The following CPZ variants were observed in gnomAD, a reference collection of about 807,000 sequenced individuals.
CPZ encodes the protein carboxypeptidase Z.
Under a neutral mutation model 61.8 loss-of-function variants are expected in CPZ, and 103 were observed. The observed-to-expected ratio is 1.67, with a 90% CI of 1.42 to 1.96. The LOEUF is 1.96. Among genes scored for constraint, CPZ ranks in the 30% most tolerant of loss-of-function variants. The pLI, the probability that CPZ is intolerant of heterozygous loss-of-function variation, is 0.00. For synonymous variants in CPZ, 551 were observed against 373.7 expected, an observed-to-expected ratio of 1.47 and a Z score of -5.47; for missense variants, 1,461 against 914.9, an observed-to-expected ratio of 1.60 and a Z score of -7.70.
At position 8,606,874 on chromosome 4, in the gene CPZ, C is replaced by G. The variant is rs1012682979; in HGVS notation, c.1044C>G (p.Ile348Met). Reference sequence around the variant, plus strand: ...GCGCACGCAGCGACCACATCCCCATCCCCCAGCACTACTGGTGGGGTAAGG... The same window carrying G: ...GCGCACGCAGCGACCACATCCCCATGCCCCAGCACTACTGGTGGGGTAAGG... ...TRGARSDHIPIPQHYWWGKVA... is the reference protein window; with the variant it reads ...TRGARSDHIPMPQHYWWGKVA... The change falls in exon 6 of 11, where the codon ATC (isoleucine) becomes ATG (methionine). Residue 348 changes from isoleucine to methionine, a missense_variant. Physicochemically the swap from Ile to Met is conservative, Grantham distance 10 (BLOSUM62 1). Transcript: ENST00000360986. The G allele has an allele frequency of 1.2e-5, 20 of 1,612,632 alleles. No homozygotes were observed. Among genetic ancestry groups the G allele is most frequent in the Non-Finnish European group, 1.6e-5 (19 of 1,179,588 alleles).
chr4:8,607,216 G>C lies in CPZ; in HGVS notation c.1069-51G>C, dbSNP rs372862610. The C allele has an allele frequency of 1.1e-5, 18 of 1,589,120 alleles. No homozygotes were observed. The South Asian group carries it at 1.9e-4, about 17-fold the overall frequency. ...CTGCTGAAGCCCAGGGCATGGCTGCGGGCCAGTGGGAAAGCCCAGCCCTGA... is the reference window on the plus strand; with the variant it reads ...CTGCTGAAGCCCAGGGCATGGCTGCCGGCCAGTGGGAAAGCCCAGCCCTGA... On this transcript the variant is annotated intron_variant, in intron 6 of 10. Transcript: ENST00000360986.
chr4:8,609,177 C>CACTCACTCACTTCTCATTA (rs1347402798), intron 7 of CPZ, among the ~76,000 whole-genome samples: 9 of 32,840 alleles, frequency 2.7e-4, no homozygotes, highest in South Asian at 2.1e-3. Context: ...CTCACCCATT[C>CACTCACTCACTTCTCATTA]ACTCAGGCAT....
chr4:8,613,965 C>A (rs1715932516), intron 8 of CPZ, among the ~76,000 whole-genome samples: 1 of 152,260 alleles, frequency 6.6e-6, no homozygotes, highest in Non-Finnish European at 1.5e-5. Flanking sequence ...CTGTTAGAAA[C>A]CGATTCATCC....
chr4:8,598,735 G>C (rs1051121395), intron 1 of CPZ, among the ~76,000 whole-genome samples: 15 of 152,278 alleles, frequency 9.9e-5, no homozygotes, highest in African/African-American at 3.6e-4. Context: ...TTCATACAGG[G>C]CCCTTAGCAG....
chr4:8,618,407 G>C, intron 9 of CPZ, 22 bp from the exon 10 acceptor site: 2 of 1,611,968 alleles, frequency 1.2e-6, no homozygotes, highest in East Asian at 2.2e-5. Context: ...CCATCTCCCT[G>C]GCCTCCCCTT....
intron 10 of CPZ, 77 bp downstream of exon 10, chr4:8,618,605 G>A: frequency 7.3e-7 from 1 of 1,361,878 alleles, no homozygotes; most frequent in Non-Finnish European, 1.0e-6. Flanking sequence ...GGCACCCTCA[G>A]GCACTCACAG....
chr4:8,611,580 T>C lies in CPZ; in HGVS notation c.1228-447T>C, dbSNP rs1577123659. 1.3e-5 allele frequency among the ~76,000 whole-genome samples: 2 copies of C among 152,166 alleles called. 1 individual carries two copies. The highest frequency in any genetic ancestry group is 1.3e-4 in the Admixed American group (2 of 15,286). ...TGGAGTGGGGTGGGGAATGAAGCAG[T>C]GATTATTCATAGAAGTAGTTGGCTT... is the stretch of plus-strand genomic sequence containing the variant. On this transcript the variant is annotated intron_variant, in intron 7 of 10. Transcript: ENST00000360986.
intron 3 of CPZ, 162 bp from the exon 4 acceptor site, chr4:8,603,814 C>A: frequency 1.5e-6 from 1 of 648,858 alleles, no homozygotes; most frequent in Non-Finnish European, 2.7e-6. Context: ...GCTTAGATAT[C>A]GTTGTAGGCA....
intron 1 of CPZ, among the ~76,000 whole-genome samples, chr4:8,594,617 C>A (rs559269548): frequency 5.4e-4 from 83 of 152,304 alleles, no homozygotes; most frequent in African/African-American, 1.9e-3. Flanking sequence ...AATGCTGCCA[C>A]CTCGTGGTTA....
chr4:8,609,244 A>ACTCATCACTCACTCATTCT (rs1715420113), intron 7 of CPZ, among the ~76,000 whole-genome samples: 2 of 55,354 alleles, frequency 3.6e-5, no homozygotes, highest in Admixed American at 1.5e-4. Context: ...TCACTCATTC[A>ACTCATCACTCACTCATTCT]CTCATCACTC....
intron 6 of CPZ, 51 bp downstream of exon 6, chr4:8,606,949 C>A: frequency 2.0e-6 from 3 of 1,531,346 alleles, no homozygotes; most frequent in Non-Finnish European, 2.6e-6. Flanking sequence ...TCCAGGGGTC[C>A]CTAGTTATTC....
At chr4:8,616,362 C>G (rs929896788) in intron 9 of CPZ, among the ~76,000 whole-genome samples, 53 of 152,228 alleles carry the variant, frequency 3.5e-4, no homozygotes, top group Middle Eastern at 3.4e-3. Flanking sequence ...GACCCGTGGG[C>G]CCAAGAGCAG....
intron 10 of CPZ, among the ~76,000 whole-genome samples, chr4:8,619,038 C>G (rs1437843432): frequency 1.3e-5 from 2 of 151,992 alleles, no homozygotes; most frequent in East Asian, 1.9e-4. Flanking sequence ...GAGTGGTCAT[C>G]GAAGGTTTCA....
intron 7 of CPZ, among the ~76,000 whole-genome samples, chr4:8,609,720 G>A (rs1715490247): frequency 6.6e-6 from 1 of 152,220 alleles, no homozygotes; most frequent in Non-Finnish European, 1.5e-5. Flanking sequence ...GACGTCCCCA[G>A]GGGGGATGTT....
chr4:8,607,226 G>A (rs1169562005), intron 6 of CPZ, 41 bp from the exon 7 acceptor site: 2 of 1,600,296 alleles, frequency 1.2e-6, no homozygotes, highest in African/African-American at 1.3e-5. Context: ...GGGCCAGTGG[G>A]AAAGCCCAGC....
chr4:8,618,715 G>C (rs1160817395), intron 10 of CPZ, among the ~76,000 whole-genome samples, 187 bp downstream of exon 10: 2 of 152,298 alleles, frequency 1.3e-5, no homozygotes, highest in African/African-American at 2.4e-5. Context: ...ACAGCATTTG[G>C]TGAGGGAAGA....
intron 7 of CPZ, among the ~76,000 whole-genome samples, chr4:8,609,330 TTTTCACTCACTC>T (rs1354784729): frequency 6.7e-6 from 1 of 149,120 alleles, no homozygotes; most frequent in Non-Finnish European, 1.5e-5. Context: ...TTCACTCACT[TTTTCACTCACTC>T]ATTCTCTCAT....
intron 8 of CPZ, among the ~76,000 whole-genome samples, chr4:8,612,558 T>G (rs1320332982): frequency 1.3e-5 from 2 of 152,180 alleles, no homozygotes; most frequent in Non-Finnish European, 2.9e-5. Flanking sequence ...TTCCAATGCG[T>G]GGGATATGCT....
chr4:8,606,148 C>T lies in CPZ; in HGVS notation c.869C>T (p.Ser290Phe), dbSNP rs755709105. 12 of 1,614,162 alleles carry T rather than the reference C, an allele frequency of 7.4e-6. No individual in the cohort carries two copies. In the South Asian group the frequency reaches 1.3e-4, roughly 18 times the overall value. ...ACCACCCGCATCCACCTGCTGCCCT[C>T]CATGAACCCTGACGGCTATGAGGTG... ...LNTTRIHLLP[S>F]MNPDGYEVAA... Residue 290 changes from serine to phenylalanine, a missense_variant, in exon 5 of 11, where the codon TCC becomes TTC. By Grantham distance (155) the Ser-to-Phe change is radical (BLOSUM62 -2). Transcript: ENST00000360986.
Sources: gnomAD v4.1 joint callset for allele counts (sites outside exome capture counted in the v4.1 genomes callset) on GRCh38, gnomAD v4.1.1 for gene constraint, MANE v1.5 for transcripts, NCBI Gene and HGNC (gene_info 2026-07-23, HGNC 2026-07-21) for gene names.